Variants in ZFYVE9 observed in about 807,000 individuals in gnomAD.
ZFYVE9 encodes zinc finger FYVE domain-containing protein 9.
In ZFYVE9, 43 loss-of-function variants were observed where a neutral mutation model predicts 126.7. The observed-to-expected ratio is 0.34, with a 90% CI of 0.27 to 0.44. ZFYVE9 has a LOEUF of 0.44. Ranked by LOEUF, ZFYVE9 falls within the 20% of genes least tolerant of loss-of-function variation. The pLI, the probability that ZFYVE9 is intolerant of heterozygous loss-of-function variation, is 1.00. For synonymous variants in ZFYVE9, 521 were observed against 597.4 expected, an observed-to-expected ratio of 0.87 and a Z score of 1.87; for missense variants, 1,476 against 1,697.0, an observed-to-expected ratio of 0.87 and a Z score of 2.29.
chr1:52,174,826 C>A (rs1295179948), intron 1 of ZFYVE9, among the ~76,000 whole-genome samples: 1 of 152,070 alleles, frequency 6.6e-6, no homozygotes, highest in Non-Finnish European at 1.5e-5. Context: ...AGGATTGCAA[C>A]CCCTGCCTTT....
rs952904640 is a variant in ZFYVE9 at position 52,237,953 on chromosome 1, A to G, written c.536A>G (p.Asp179Gly). Residue 179 changes from aspartate to glycine, a missense_variant, in exon 4 of 19, where the codon GAT becomes GGT. Coordinates refer to ENST00000287727, the MANE Select transcript of ZFYVE9 (RefSeq NM_004799.4). ...CNNYNSQSLMDAFSCSLDNEN... is the reference protein window; with the variant it reads ...CNNYNSQSLMGAFSCSLDNEN... ...AATTATAATAGTCAATCCCTTATGG[A>G]TGCTTTTAGCTGTTCACTGGATAAT... The G allele has an allele frequency of 5.0e-6, 8 of 1,613,936 alleles. No homozygotes were observed. The highest frequency in any genetic ancestry group is 6.8e-6 in the Non-Finnish European group (8 of 1,179,968).
intron 1 of ZFYVE9, among the ~76,000 whole-genome samples, chr1:52,172,311 A>G (rs1644580497): frequency 6.6e-6 from 1 of 152,140 alleles, no homozygotes; most frequent in Non-Finnish European, 1.5e-5. Flanking sequence ...AGATAGTTGT[A>G]GATATGCGGC....
intron 1 of ZFYVE9, among the ~76,000 whole-genome samples, chr1:52,156,043 G>A (rs746868818): frequency 6.6e-6 from 1 of 152,176 alleles, no homozygotes; most frequent in Non-Finnish European, 1.5e-5. Flanking sequence ...ATGTATCACT[G>A]ACGTGATGGA....
intron 4 of ZFYVE9, among the ~76,000 whole-genome samples, chr1:52,259,115 G>A (rs368788716): frequency 1.3e-5 from 2 of 152,136 alleles, no homozygotes. Context: ...CCTGGGGGCT[G>A]TACGGAAAAG....
intron 4 of ZFYVE9, among the ~76,000 whole-genome samples, chr1:52,263,419 G>A (rs1405334300): frequency 2.0e-5 from 3 of 152,074 alleles, no homozygotes; most frequent in African/African-American, 7.2e-5. Context: ...CTTTCCAAAC[G>A]GAAATAGCAC....
At chr1:52,150,658 T>G (rs2124494620) in intron 1 of ZFYVE9, among the ~76,000 whole-genome samples, 1 of 151,066 alleles carries the variant, frequency 6.6e-6, no homozygotes, top group East Asian at 2.0e-4. Context: ...TCTCAGTTAC[T>G]CAGGAGGCTG....
At chr1:52,224,761 G>C (rs1645154248) in intron 2 of ZFYVE9, among the ~76,000 whole-genome samples, 1 of 152,006 alleles carries the variant, frequency 6.6e-6, no homozygotes, top group Admixed American at 6.6e-5. Flanking sequence ...TGTCTGCTTG[G>C]CCTTTTATAG....
chr1:52,277,201 G>A (rs907277733), intron 8 of ZFYVE9, among the ~76,000 whole-genome samples: 3 of 119,352 alleles, frequency 2.5e-5, no homozygotes, highest in African/African-American at 8.6e-5. Flanking sequence ...TCTATTGTTA[G>A]TAAAATACCT....
At chr1:52,237,288 G>A (rs1645281786) in intron 3 of ZFYVE9, among the ~76,000 whole-genome samples, 200 bp from the exon 4 acceptor site, 1 of 152,148 alleles carries the variant, frequency 6.6e-6, no homozygotes, top group African/African-American at 2.4e-5. Flanking sequence ...GTTTGGAATA[G>A]TCTGAGATAT....
At chr1:52,235,958 C>T (rs913993698) in intron 3 of ZFYVE9, among the ~76,000 whole-genome samples, 22 of 152,006 alleles carry the variant, frequency 1.4e-4, no homozygotes, top group Admixed American at 2.6e-4. Flanking sequence ...CACTGTATGC[C>T]GGAGAACCTT....
At chr1:52,226,119 C>T (rs1185193667) in intron 2 of ZFYVE9, among the ~76,000 whole-genome samples, 2 of 152,094 alleles carry the variant, frequency 1.3e-5, no homozygotes, top group Non-Finnish European at 2.9e-5. Flanking sequence ...CTGGTTGCCC[C>T]ACCCTAATCT....
At chr1:52,177,377 T>C (rs1291978604) in intron 1 of ZFYVE9, among the ~76,000 whole-genome samples, 1 of 152,218 alleles carries the variant, frequency 6.6e-6, no homozygotes, top group African/African-American at 2.4e-5. Flanking sequence ...CTTGAACTCC[T>C]GACCTCATGA....
Position 52,179,937 on chromosome 1 carries a change from G to A in ZFYVE9, c.-142-36432G>A, listed in dbSNP as rs1644681944. On this transcript the variant is annotated intron_variant, in intron 1 of 18. Transcript: ENST00000287727. Reference sequence around the variant, plus strand: ...GAAAGAATTGGAAGAGGAGGCAGAAGATGAGCAGCGCATCCTCCAGCAGTC... The same window carrying A: ...GAAAGAATTGGAAGAGGAGGCAGAAAATGAGCAGCGCATCCTCCAGCAGTC... The A allele has an allele frequency of 5.7e-6, 6 of 1,057,200 alleles. No individual in the cohort carries two copies. In the Admixed American group the frequency reaches 1.0e-4, roughly 18 times the overall value. 65.5% of individuals were successfully genotyped at this position (1,057,200 alleles called of 1,614,324 possible).
intron 1 of ZFYVE9, among the ~76,000 whole-genome samples, chr1:52,194,383 A>G (rs1227670197): frequency 6.6e-6 from 1 of 152,206 alleles, no homozygotes; most frequent in Non-Finnish European, 1.5e-5. Flanking sequence ...CATATAAAAA[A>G]AAACCTCACT....
chr1:52,324,816 T>A (rs1185798320), intron 13 of ZFYVE9, among the ~76,000 whole-genome samples: 1 of 152,222 alleles, frequency 6.6e-6, no homozygotes, highest in Non-Finnish European at 1.5e-5. Flanking sequence ...CACTTGATAA[T>A]GTTTGTAGAA....
chr1:52,168,325 T>G (rs887027576), intron 1 of ZFYVE9, among the ~76,000 whole-genome samples: 2 of 150,700 alleles, frequency 1.3e-5, no homozygotes, highest in Non-Finnish European at 2.9e-5. Context: ...CAAGCAGTTG[T>G]CCTGTCTCAG....
chr1:52,271,928 C>T (rs1266553224), intron 7 of ZFYVE9, among the ~76,000 whole-genome samples: 5 of 152,176 alleles, frequency 3.3e-5, no homozygotes, highest in Non-Finnish European at 7.3e-5. Flanking sequence ...CAACCTCCGC[C>T]TCCTGGGCTT....
intron 7 of ZFYVE9, among the ~76,000 whole-genome samples, chr1:52,273,818 CAAAA>C (rs61193193): frequency 1.3e-5 from 1 of 75,574 alleles, no homozygotes. Context: ...GACTCCTTCT[CAAAA>C]AAAAAAAAAA....
chr1:52,298,758 TATTA>T (rs1646002112), intron 12 of ZFYVE9, among the ~76,000 whole-genome samples: 2 of 151,924 alleles, frequency 1.3e-5, no homozygotes, highest in African/African-American at 4.8e-5. Flanking sequence ...ATTTTCACGG[TATTA>T]ATTCTTCCAA....
Sources: allele counts gnomAD v4.1 joint callset (sites outside exome capture counted in the v4.1 genomes callset), GRCh38; gene constraint gnomAD v4.1.1; transcripts MANE v1.5; gene names NCBI Gene and HGNC (gene_info 2026-07-23, HGNC 2026-07-21).